Variants in SULT6B1 observed in about 807,000 individuals in gnomAD.
The protein encoded by SULT6B1 is sulfotransferase 6B1.
Under a neutral mutation model 37.2 loss-of-function variants are expected in SULT6B1, and 44 were observed. The observed-to-expected ratio is 1.18, with a 90% CI of 0.93 to 1.52. The LOEUF (loss-of-function observed/expected upper bound fraction) is 1.52, where lower values mean the gene tolerates loss of function less well. SULT6B1 is among the 40% of genes most tolerant of loss of function. The pLI, the probability that SULT6B1 is intolerant of heterozygous loss-of-function variation, is 0.00. For missense variants in SULT6B1, 450 were observed against 361.0 expected (o/e 1.25, Z -2.00); for synonymous variants, 140 against 126.0 (o/e 1.11, Z -0.74).
At position 37,188,555 on chromosome 2, in the gene SULT6B1, G is replaced by T. The variant is rs907246594; in HGVS notation, c.86C>A (p.Thr29Asn). Residue 29 changes from threonine (T) to asparagine (N), a missense_variant, in exon 1 of 7, where the codon ACC becomes AAC. Physicochemically the swap from Thr to Asn is moderately conservative, Grantham distance 65 (BLOSUM62 0). Coordinates refer to ENST00000535679, the MANE Select transcript of SULT6B1 (RefSeq NM_001367551.1). ...GATGGGGTAAGGAATCCCCTGATAGGTGAAAAATAAATGAGAGAGTGCAGT... is the reference window on the plus strand; with the variant it reads ...GATGGGGTAAGGAATCCCCTGATAGTTGAAAAATAAATGAGAGAGTGCAGT... ...KETALSHLFF[T>N]YQGIPYPITM... is the part of the protein sequence containing the mutation. The T allele has an allele frequency of 2.5e-6, 4 of 1,609,874 alleles. No individual in the cohort carries two copies. In the African/African-American group the frequency reaches 4.0e-5, roughly 16 times the overall value.
chr2:37,194,410 A>G, intron 1 of SULT6B1: 1 of 414,758 alleles, frequency 2.4e-6, no homozygotes, highest in South Asian at 1.9e-5. Context: ...AAGTGGTAAC[A>G]GGTACATAGG....
upstream of SULT6B1, among the ~76,000 whole-genome samples, chr2:37,193,639 GAAGA>G: frequency 6.6e-6 from 1 of 150,812 alleles, no homozygotes; most frequent in African/African-American, 2.4e-5. Context: ...AGAAGAAGAA[GAAGA>G]AGAAGAAGGA....
chr2:37,167,947 A>G lies in SULT6B1; in HGVS notation c.900T>C (p.Tyr300=). 4 of 1,591,816 alleles carry G rather than the reference A, an allele frequency of 2.5e-6. No homozygotes were observed. The highest frequency in any genetic ancestry group is 3.4e-6 in the Non-Finnish European group (4 of 1,174,686). The change falls in exon 7 of 7, where the codon TAT becomes TAC. Residue 300 remains tyrosine, a synonymous_variant. Transcript: ENST00000535679. Reference sequence around the variant, plus strand: ...GAATTGACTGGAATCAACCCTGGCAATATGATTCATACTTCAACTTTGCTC... The same window carrying G: ...GAATTGACTGGAATCAACCCTGGCAGTATGATTCATACTTCAACTTTGCTC... ...SLGAKLKYES[Y]CQG
At chr2:37,168,450 C>G (rs1395565825) in intron 6 of SULT6B1, among the ~76,000 whole-genome samples, 1 of 152,134 alleles carries the variant, frequency 6.6e-6, no homozygotes, top group Non-Finnish European at 1.5e-5. Flanking sequence ...GCTACTGCGC[C>G]CAGCCAAAAG....
chr2:37,174,938 T>C (rs1392335741), intron 5 of SULT6B1, among the ~76,000 whole-genome samples, 194 bp downstream of exon 5: 2 of 152,228 alleles, frequency 1.3e-5, no homozygotes, highest in Admixed American at 6.5e-5. Context: ...CTAAGCGTTA[T>C]TTTATTTCTG....
At chr2:37,194,089 TTC>T (rs1235102502) in intron 1 of SULT6B1, among the ~76,000 whole-genome samples, 2 of 152,246 alleles carry the variant, frequency 1.3e-5, no homozygotes, top group Non-Finnish European at 1.5e-5. Context: ...TTTCTGTTTT[TTC>T]GTGAAAGAAA....
intron 5 of SULT6B1, 67 bp from the exon 6 acceptor site, chr2:37,171,657 T>G (rs1676306377): frequency 6.7e-7 from 1 of 1,493,684 alleles, no homozygotes; most frequent in Non-Finnish European, 9.1e-7. Context: ...TGAGACAGAC[T>G]TTTTAGTCAT....
At chr2:37,180,195 A>G (rs1296157331) in intron 3 of SULT6B1, among the ~76,000 whole-genome samples, 1 of 152,220 alleles carries the variant, frequency 6.6e-6, no homozygotes, top group Non-Finnish European at 1.5e-5. Flanking sequence ...TTCTGGCCTG[A>G]AGCCTTCTAT....
In SULT6B1 at chr2:37,167,871, T is replaced by C; in HGVS notation, c.*64A>G. On this transcript the variant is annotated 3_prime_UTR_variant, in exon 7 of 7. Coordinates refer to ENST00000535679, the MANE Select transcript of SULT6B1 (RefSeq NM_001367551.1). ...ATTTGATTATTTGATTGAATTATCA[T>C]TTAATTATTTACACTTAATTATTAT... 1 of 1,361,356 alleles carries C rather than the reference T, an allele frequency of 7.3e-7. No homozygotes were observed. The highest frequency in any genetic ancestry group is 1.6e-5 in the South Asian group (1 of 64,034). The allele number at this position is 1,361,356 out of a possible 1,614,324, so 84.3% of individuals were successfully genotyped here. A position where few individuals can be genotyped will look rare whatever the true frequency, so the allele number is the denominator to read the frequency against.
intron 2 of SULT6B1, among the ~76,000 whole-genome samples, chr2:37,186,484 C>A (rs896710693): frequency 2.0e-5 from 3 of 152,148 alleles, no homozygotes; most frequent in Non-Finnish European, 2.9e-5. Context: ...GTAACAACAG[C>A]TAGGGTGACC....
At chr2:37,194,672 G>T in intron 1 of SULT6B1, 1 of 243,948 alleles carries the variant, frequency 4.1e-6, no homozygotes, top group Non-Finnish European at 8.3e-6. Flanking sequence ...TGTATTCTTG[G>T]GTCATCACCT....
chr2:37,194,377 G>T, intron 1 of SULT6B1: 1 of 369,702 alleles, frequency 2.7e-6, no homozygotes, highest in East Asian at 8.4e-5. Flanking sequence ...ACCGTGCCTG[G>T]CTGACTATCT....
At chr2:37,190,983 G>T (rs1000730132), upstream of SULT6B1, among the ~76,000 whole-genome samples, 1 of 152,050 alleles carries the variant, frequency 6.6e-6, no homozygotes, top group Non-Finnish European at 1.5e-5. Flanking sequence ...ATTGCCAGGG[G>T]AGAAGGTCTA....
upstream of SULT6B1, among the ~76,000 whole-genome samples, chr2:37,193,605 A>AGAAGAAGAAGAAGAAGAAGAG (rs1676828896): frequency 2.4e-5 from 3 of 124,572 alleles, no homozygotes; most frequent in African/African-American, 6.5e-5. Context: ...AAAAAGAAGA[A>AGAAGAAGAAGAAGAAGAAGAG]GAAGAAGAAG....
chr2:37,170,370 G>A (rs563603388), intron 6 of SULT6B1, among the ~76,000 whole-genome samples: 4 of 152,292 alleles, frequency 2.6e-5, no homozygotes, highest in Admixed American at 1.3e-4. Flanking sequence ...AGGAGGCTGA[G>A]GCAGGAGAAT....
At chr2:37,168,246 G>A (rs145236940) in intron 6 of SULT6B1, among the ~76,000 whole-genome samples, 181 bp from the exon 7 acceptor site, 3,555 of 152,176 alleles carry the variant, frequency 0.023, 64 homozygotes, top group Middle Eastern at 0.058. Context: ...CTGGAGTGCC[G>A]TGGTGCGATC....
intron 6 of SULT6B1, among the ~76,000 whole-genome samples, chr2:37,168,788 T>C (rs1408609069): frequency 6.6e-6 from 1 of 152,242 alleles, no homozygotes; most frequent in Non-Finnish European, 1.5e-5. Context: ...GGATGTTTTT[T>C]CTTACTGGCT....
upstream of SULT6B1, among the ~76,000 whole-genome samples, chr2:37,189,176 G>C (rs573758278): frequency 1.3e-5 from 2 of 152,308 alleles, no homozygotes; most frequent in African/African-American, 2.4e-5. Flanking sequence ...ACCTGAGTTT[G>C]AACCTTGACT....
intron 2 of SULT6B1, 35 bp from the exon 3 acceptor site, chr2:37,183,549 CGTGTGTGCAT>C (rs1676601799): frequency 6.6e-7 from 1 of 1,526,336 alleles, no homozygotes; most frequent in Non-Finnish European, 9.1e-7. Flanking sequence ...AAAATGTGCA[CGTGTGTGCAT>C]GTGTGTGTGT....
Sources: allele counts gnomAD v4.1 joint callset (sites outside exome capture counted in the v4.1 genomes callset), GRCh38; gene constraint gnomAD v4.1.1; transcripts MANE v1.5; gene names NCBI Gene and HGNC (gene_info 2026-07-23, HGNC 2026-07-21).